The following SMG6 variants were observed in gnomAD, a reference collection of about 807,000 sequenced individuals.
SMG6 encodes the protein telomerase-binding protein EST1A.
In SMG6, 66 loss-of-function variants were observed where a neutral mutation model predicts 142.2. The ratio of observed to expected loss-of-function variants is 0.46; its 90% CI spans 0.38 to 0.57. The LOEUF is 0.57. SMG6 is among the 20% of genes least tolerant of loss of function. SMG6 has a pLI of 0.00. For missense variants in SMG6, 1,793 were observed against 1,832.0 expected (o/e 0.98, Z 0.39); for synonymous variants, 779 against 702.4 (o/e 1.11, Z -1.72).
intron 1 of SMG6, chr17:2,302,950 C>G (rs536633809): frequency 1.0e-6 from 1 of 984,932 alleles, no homozygotes; most frequent in African/African-American, 1.7e-5. Flanking sequence ...CCTATCACAG[C>G]TACCATTCTA....
At chr17:2,204,570 G>A (rs2151730969) in intron 10 of SMG6, among the ~76,000 whole-genome samples, 1 of 152,346 alleles carries the variant, frequency 6.6e-6, no homozygotes, top group African/African-American at 2.4e-5. Context: ...TGCCAAGGAA[G>A]GAAGTGAGAA....
At chr17:2,065,923 T>C in intron 16 of SMG6, 1 of 563,744 alleles carries the variant, frequency 1.8e-6, no homozygotes, top group East Asian at 3.0e-5. Context: ...TGGGAGGAAC[T>C]TAAAGGAATC....
chr17:2,143,076 T>C (rs1300666117), intron 13 of SMG6, among the ~76,000 whole-genome samples: 2 of 152,024 alleles, frequency 1.3e-5, no homozygotes, highest in African/African-American at 4.8e-5. Context: ...TAATAAGTGT[T>C]AGTGAAGATG....
chr17:2,141,703 A>G (rs2070486046), intron 13 of SMG6, among the ~76,000 whole-genome samples: 1 of 152,234 alleles, frequency 6.6e-6, no homozygotes, highest in African/African-American at 2.4e-5. Flanking sequence ...TTGGCCTCCC[A>G]AAGTGCTGAG....
intron 13 of SMG6, among the ~76,000 whole-genome samples, chr17:2,164,391 C>T (rs1371351363): frequency 6.6e-6 from 1 of 152,078 alleles, no homozygotes; most frequent in African/African-American, 2.4e-5. Context: ...CTACTGCACT[C>T]CAGCCTGGGC....
chr17:2,201,743 G>C (rs2072530316), intron 10 of SMG6, among the ~76,000 whole-genome samples: 1 of 152,054 alleles, frequency 6.6e-6, no homozygotes, highest in East Asian at 1.9e-4. Flanking sequence ...TAAACACCAG[G>C]CTGGGTGCGG....
intron 8 of SMG6, among the ~76,000 whole-genome samples, chr17:2,259,975 C>T (rs1255127261): frequency 2.0e-5 from 3 of 152,052 alleles, no homozygotes; most frequent in African/African-American, 2.4e-5. Context: ...CTACCTTGTG[C>T]GAGCTTCAGA....
chr17:2,071,057 GTCTT>G lies in SMG6; in HGVS notation c.3682-2130_3682-2127del, dbSNP rs975074304. ...TCCTGGTACCGTGGCTCTCAAATCTGTCTTTCTGGGTGAGCAGGGACAGAACAAG... is the reference window on the plus strand; with the variant it reads ...TCCTGGTACCGTGGCTCTCAAATCTGTCTGGGTGAGCAGGGACAGAACAAG... On this transcript the variant is annotated intron_variant, in intron 15 of 18. Transcript: ENST00000263073. This position sits in a 1 kb window ranked among gnomAD's most constrained non-coding sequence, Gnocchi z 5.6. 2.6e-5 allele frequency among the ~76,000 whole-genome samples: 4 copies of G among 152,180 alleles called. No homozygotes were observed. The highest frequency in any genetic ancestry group is 9.7e-5 in the African/African-American group (4 of 41,444).
At chr17:2,134,057 T>C (rs1240383944) in intron 13 of SMG6, among the ~76,000 whole-genome samples, 2 of 152,146 alleles carry the variant, frequency 1.3e-5, no homozygotes, top group African/African-American at 4.8e-5. Context: ...AGGCCTCTTA[T>C]TCACCTAAAT....
chr17:2,206,059 T>C (rs905251334), intron 10 of SMG6, among the ~76,000 whole-genome samples: 1 of 152,164 alleles, frequency 6.6e-6, no homozygotes, highest in Admixed American at 6.5e-5. Context: ...TCCACCCGCC[T>C]TGGCCTCCCA....
chr17:2,105,696 T>C (rs1477580094), intron 13 of SMG6, among the ~76,000 whole-genome samples: 1 of 152,116 alleles, frequency 6.6e-6, no homozygotes, highest in African/African-American at 2.4e-5. Context: ...AGAAAAGAAA[T>C]ACTGAAATTT....
chr17:2,176,512 A>G (rs184770664), intron 12 of SMG6, among the ~76,000 whole-genome samples: 3 of 152,288 alleles, frequency 2.0e-5, no homozygotes, highest in East Asian at 1.9e-4. Flanking sequence ...GGTTCAATGC[A>G]TATTTTAGGG....
chr17:2,218,580 C>T (rs528416474), intron 10 of SMG6, among the ~76,000 whole-genome samples: 3 of 152,220 alleles, frequency 2.0e-5, no homozygotes, highest in African/African-American at 7.2e-5. Flanking sequence ...AAACCACATT[C>T]TTTCCTCCCT....
intron 4 of SMG6, 57 bp from the exon 5 acceptor site, chr17:2,293,034 A>C: frequency 1.2e-5 from 15 of 1,201,654 alleles, no homozygotes; most frequent in Non-Finnish European, 1.7e-5. Context: ...TTCAACCCTC[A>C]AAGGACAGGG....
At chr17:2,114,959 T>TAAAATAAAATAAAATAAAATAAA (rs1491429098) in intron 13 of SMG6, among the ~76,000 whole-genome samples, 1,676 of 72,328 alleles carry the variant, frequency 0.023, 74 homozygotes, top group South Asian at 0.039. Flanking sequence ...AATAAAAAAA[T>TAAAATAAAATAAAATAAAATAAA]GAAATGAAAT....
At chr17:2,144,647 A>T (rs2151582895) in intron 13 of SMG6, among the ~76,000 whole-genome samples, 1 of 152,236 alleles carries the variant, frequency 6.6e-6, no homozygotes. Flanking sequence ...GCTTTTTTCC[A>T]GAGAGGACTT....
chr17:2,127,514 A>T (rs974329775), intron 13 of SMG6: 16 of 664,544 alleles, frequency 2.4e-5, no homozygotes, highest in Non-Finnish European at 4.5e-5. Flanking sequence ...AGCTTGTATG[A>T]CTCAAGCATG....
chr17:2,278,165 C>T (rs912437174), intron 8 of SMG6, among the ~76,000 whole-genome samples: 10 of 151,768 alleles, frequency 6.6e-5, no homozygotes, highest in African/African-American at 9.7e-5. Flanking sequence ...AGTGATGTCT[C>T]CGAAGGAAAG....
At chr17:2,128,619 T>C (rs777059957) in intron 13 of SMG6, among the ~76,000 whole-genome samples, 1 of 150,584 alleles carries the variant, frequency 6.6e-6, no homozygotes, top group Non-Finnish European at 1.5e-5. Context: ...AGGTCAGGAG[T>C]TCGAGACTAG....
Sources: gnomAD v4.1 joint callset for allele counts (sites outside exome capture counted in the v4.1 genomes callset) on GRCh38, gnomAD v4.1.1 for gene constraint, Gnocchi (gnomAD v3.1) non-coding constraint, MANE v1.5 for transcripts, NCBI Gene and HGNC (gene_info 2026-07-23, HGNC 2026-07-21) for gene names.